The following SEL1L3 variants were observed in gnomAD, a reference collection of about 807,000 sequenced individuals.
SEL1L3 encodes the protein SEL1L family member 3.
Under a neutral mutation model 142.8 loss-of-function variants are expected in SEL1L3, and 76 were observed. That is an observed-to-expected ratio of 0.53 (90% confidence interval 0.44 to 0.64). The LOEUF (loss-of-function observed/expected upper bound fraction) is 0.64, where lower values mean the gene tolerates loss of function less well. SEL1L3 is among the 30% of genes least tolerant of loss of function. The pLI, the probability that SEL1L3 is intolerant of heterozygous loss-of-function variation, is 0.00. For missense variants in SEL1L3, 1,262 were observed against 1,381.7 expected (o/e 0.91, Z 1.37); for synonymous variants, 504 against 519.6 (o/e 0.97, Z 0.41).
At chr4:25,797,506 G>T (rs998954953) in intron 11 of SEL1L3, among the ~76,000 whole-genome samples, 2 of 152,238 alleles carry the variant, frequency 1.3e-5, no homozygotes, top group Non-Finnish European at 2.9e-5. Flanking sequence ...AACATCAGCT[G>T]TAAGGGTGGA....
Position 25,768,254 on chromosome 4 carries a change from C to T in SEL1L3, c.2670-424G>A, listed in dbSNP as rs137931290. Among the ~76,000 whole-genome samples, 1,136 of 152,246 alleles carry T rather than the reference C, an allele frequency of 7.5e-3. 17 individuals carry two copies. Among genetic ancestry groups the T allele is most frequent in the African/African-American group, 0.024 (998 of 41,538 alleles). On this transcript the variant is annotated intron_variant, in intron 17 of 23. Transcript: ENST00000399878. ...AGATTCTGAACAAGCTTAATTAAAG[C>T]TGAGCTTTTGTTGTGCATTAGAAGT...
At position 25,788,258 on chromosome 4, in the gene SEL1L3, G is replaced by A. The variant is rs770141907; in HGVS notation, c.2183C>T (p.Ala728Val). Residue 728 changes from alanine to valine, a missense_variant, in exon 13 of 24, where the codon GCG becomes GTG. This residue lies in a region of SEL1L3 where 435 missense variants were observed against 559.2 expected (regional missense o/e 0.78). Coordinates refer to ENST00000399878, the MANE Select transcript of SEL1L3 (RefSeq NM_015187.5). This position sits in a 1 kb window ranked among gnomAD's most constrained non-coding sequence, Gnocchi z 5.3. ...AKGALETEDP[A>V]LIYDYAIVLF... The stretch of plus-strand genomic sequence containing the variant: ...CACAATGGCATAGTCATAGATTAAC[G>A]CAGGATCCTCCGTCTCCAGGGCGCC... 3.7e-6 allele frequency: 6 copies of A among 1,613,818 alleles called. No homozygotes were observed. The highest frequency in any genetic ancestry group is 5.1e-6 in the Non-Finnish European group (6 of 1,179,852).
the SEL1L3 span, chr4:25,718,906 G>C: frequency 6.6e-6 from 1 of 152,254 alleles, no homozygotes; most frequent in African/African-American, 2.4e-5. Context: ...GCTGGGCGTG[G>C]TGGCTCACGC....
At chr4:25,832,456 T>A (rs754624568) in intron 5 of SEL1L3, among the ~76,000 whole-genome samples, 3 of 152,250 alleles carry the variant, frequency 2.0e-5, no homozygotes, top group Non-Finnish European at 4.4e-5. Flanking sequence ...TTATGTACAA[T>A]GTTTTATACT....
At chr4:25,802,545 A>G in intron 10 of SEL1L3, 83 bp from the exon 11 acceptor site, 1 of 1,126,552 alleles carries the variant, frequency 8.9e-7, no homozygotes. Context: ...GTCAGGCCCA[A>G]TTCCTATATA....
intron 9 of SEL1L3, among the ~76,000 whole-genome samples, chr4:25,810,839 G>A (rs76699174): frequency 2.0e-5 from 3 of 152,186 alleles, no homozygotes; most frequent in African/African-American, 2.4e-5. Context: ...AAGGGGACTC[G>A]GCCACATCTA....
At chr4:25,794,035 T>G (rs1475953483) in intron 11 of SEL1L3, among the ~76,000 whole-genome samples, 1 of 152,222 alleles carries the variant, frequency 6.6e-6, no homozygotes, top group African/African-American at 2.4e-5. Flanking sequence ...CAAGATGGAC[T>G]AAATACTTAA....
chr4:25,716,419 T>C, the SEL1L3 span, among the ~76,000 whole-genome samples: 1 of 152,148 alleles, frequency 6.6e-6, no homozygotes, highest in Non-Finnish European at 1.5e-5. Flanking sequence ...GAATGTAAAT[T>C]GGTATTACCA....
chr4:25,811,173 G>A (rs777534685), intron 9 of SEL1L3, among the ~76,000 whole-genome samples: 2 of 152,118 alleles, frequency 1.3e-5, no homozygotes, highest in South Asian at 2.1e-4. Flanking sequence ...GCTGCTTTAC[G>A]TCTTGGAACC....
chr4:25,821,399 G>A (rs553742013), intron 7 of SEL1L3, among the ~76,000 whole-genome samples: 1 of 152,180 alleles, frequency 6.6e-6, no homozygotes, highest in Non-Finnish European at 1.5e-5. Context: ...TCCCTCATAG[G>A]GAAATAGCCC....
At chr4:25,811,472 T>C (rs1197591392) in intron 9 of SEL1L3, among the ~76,000 whole-genome samples, 1 of 151,280 alleles carries the variant, frequency 6.6e-6, no homozygotes, top group African/African-American at 2.5e-5. Context: ...TCCATAGAAC[T>C]CTTAGCAGTC....
At chr4:25,827,006 A>G (rs929954607) in intron 6 of SEL1L3, among the ~76,000 whole-genome samples, 9 of 152,182 alleles carry the variant, frequency 5.9e-5, no homozygotes, top group African/African-American at 1.9e-4. Context: ...CAATGCTTCA[A>G]TTGGGATGTA....
At chr4:25,818,094 G>A in intron 9 of SEL1L3, 44 bp downstream of exon 9, 1 of 1,587,092 alleles carries the variant, frequency 6.3e-7, no homozygotes, top group South Asian at 1.2e-5. Flanking sequence ...AAAACAAGGA[G>A]CCTTTCTAAC....
At chr4:25,724,537 C>T in the SEL1L3 span, among the ~76,000 whole-genome samples, 1 of 151,524 alleles carries the variant, frequency 6.6e-6, no homozygotes. Flanking sequence ...GTCAGGAAAT[C>T]GAGACTATCC....
At chr4:25,773,426 T>TTCTG (rs1719377011) in intron 17 of SEL1L3, 1 of 152,066 alleles carries the variant, frequency 6.6e-6, no homozygotes, top group Non-Finnish European at 1.5e-5. Flanking sequence ...TCTTTGGAGG[T>TTCTG]TATGTATGTA....
At position 25,767,624 on chromosome 4, in the gene SEL1L3, G is replaced by C; in HGVS notation, c.2761-15C>G. On this transcript the variant is annotated splice_polypyrimidine_tract_variant and intron_variant, in intron 18 of 23. Transcript: ENST00000399878. ...CTGGCCAGGTCCTAAGGGGTAAAGG[G>C]AAGAAAAAGTTAATTCATTAATATT... The C allele has an allele frequency of 6.4e-7, 1 of 1,561,554 alleles. No homozygotes were observed. Among genetic ancestry groups the C allele is most frequent in the Non-Finnish European group, 8.8e-7 (1 of 1,140,964 alleles).
At chr4:25,842,430 T>C (rs946171293) in intron 2 of SEL1L3, among the ~76,000 whole-genome samples, 1 of 152,034 alleles carries the variant, frequency 6.6e-6, no homozygotes, top group African/African-American at 2.4e-5. Context: ...GAAAAGAAAC[T>C]GCTTTAGCAA....
chr4:25,830,180 A>C (rs1362003665), intron 5 of SEL1L3, 24 bp from the exon 6 acceptor site: 2 of 1,499,668 alleles, frequency 1.3e-6, no homozygotes, highest in Non-Finnish European at 1.9e-6. Flanking sequence ...GATACACAAG[A>C]ATCAGTTATG....
chr4:25,740,233 A>G, the SEL1L3 span, among the ~76,000 whole-genome samples: 1 of 149,812 alleles, frequency 6.7e-6, no homozygotes, highest in Admixed American at 6.7e-5. Flanking sequence ...TAGGAGTTCA[A>G]GACCAGCCTG....
Sources: gnomAD v4.1 joint callset for allele counts (sites outside exome capture counted in the v4.1 genomes callset) on GRCh38, gnomAD v4.1.1 for gene constraint, gnomAD v4.1.1 regional missense constraint, Gnocchi (gnomAD v3.1) non-coding constraint, MANE v1.5 for transcripts, NCBI Gene and HGNC (gene_info 2026-07-23, HGNC 2026-07-21) for gene names.